Variants in DNAJC24 observed in about 807,000 individuals in gnomAD.
DNAJC24 encodes DnaJ heat shock protein family (Hsp40) member C24.
A neutral mutation model predicts 18.0 loss-of-function variants in DNAJC24; 17 were observed. That is an observed-to-expected ratio of 0.94 (90% CI 0.65 to 1.42). DNAJC24 has a LOEUF of 1.42. Ranked by LOEUF, DNAJC24 falls within the 40% of genes most tolerant of loss-of-function variation. The pLI is 0.00. For synonymous variants in DNAJC24, 55 were observed against 57.7 expected, an observed-to-expected ratio of 0.95 and a Z score of 0.21; for missense variants, 158 against 175.6, an observed-to-expected ratio of 0.90 and a Z score of 0.57.
chr11:31,384,994 A>G (rs1952413747), intron 2 of DNAJC24: 1 of 152,198 alleles, frequency 6.6e-6, no homozygotes, highest in Non-Finnish European at 1.5e-5. Context: ...TAAGGGAAAA[A>G]AAGAGTTTTT....
intron 2 of DNAJC24, among the ~76,000 whole-genome samples, chr11:31,405,486 TTTTA>T (rs1952648586): frequency 6.6e-6 from 1 of 152,196 alleles, no homozygotes; most frequent in South Asian, 2.1e-4. Context: ...TAGCTAATCT[TTTTA>T]TTTATTTGAG....
At position 31,370,778 on chromosome 11, in the gene DNAJC24, G is replaced by A; in HGVS notation, c.30G>A (p.Lys10=). 1.2e-6 allele frequency: 2 copies of A among 1,610,656 alleles called. No individual in the cohort carries two copies. The highest frequency in any genetic ancestry group is 1.7e-4 in the Middle Eastern group (1 of 6,050). The part of the protein sequence containing the change: MMAVEQMPK[K]DWYSILGADP... ...TGGCGGTTGAGCAGATGCCAAAAAA[G>A]GATTGGTACAGCATCCTGGGAGCAG... is the stretch of plus-strand genomic sequence containing the variant. The change falls in exon 2 of 5, where the codon AAG becomes AAA. Residue 10 remains lysine (K), a synonymous_variant. Coordinates refer to ENST00000465995, the MANE Select transcript of DNAJC24 (RefSeq NM_181706.5).
chr11:31,390,429 C>T (rs762438730), intron 2 of DNAJC24, among the ~76,000 whole-genome samples: 9 of 149,262 alleles, frequency 6.0e-5, no homozygotes, highest in South Asian at 2.1e-4. Flanking sequence ...AATTAAAGGC[C>T]GGGTGCGGTG....
intron 3 of DNAJC24, among the ~76,000 whole-genome samples, chr11:31,419,093 C>T (rs1952779381): frequency 6.6e-6 from 1 of 151,974 alleles, no homozygotes; most frequent in African/African-American, 2.4e-5. Context: ...GGAATAATAA[C>T]TTAAGGCCAG....
intron 2 of DNAJC24, among the ~76,000 whole-genome samples, chr11:31,386,662 A>C (rs1463594513): frequency 6.6e-6 from 1 of 151,864 alleles, no homozygotes; most frequent in African/African-American, 2.4e-5. Context: ...GATGTGACCC[A>C]CCACATTTTC....
In DNAJC24 at chr11:31,380,194, G is replaced by A. The variant is rs141832873; in HGVS notation, c.111+9335G>A. ...TAGTCTAGCTTAAAAGAATTATAGC[G>A]TTTCAGAAACTGAAAGAATCTAGCT... is the stretch of plus-strand genomic sequence containing the variant. On this transcript the variant is annotated intron_variant, in intron 2 of 4. Transcript: ENST00000465995. 3.9e-5 allele frequency among the ~76,000 whole-genome samples: 6 copies of A among 152,264 alleles called. No individual in the cohort carries two copies. The East Asian group carries it at 5.8e-4, about 15-fold the overall frequency.
chr11:31,403,421 A>G (rs1229835414), intron 2 of DNAJC24, among the ~76,000 whole-genome samples: 1 of 152,236 alleles, frequency 6.6e-6, no homozygotes, highest in African/African-American at 2.4e-5. Flanking sequence ...GCAAAGACAT[A>G]CATCAACACA....
intron 2 of DNAJC24, among the ~76,000 whole-genome samples, chr11:31,397,112 C>T (rs1187506917): frequency 6.6e-6 from 1 of 152,182 alleles, no homozygotes; most frequent in African/African-American, 2.4e-5. Context: ...TGCATCTATC[C>T]TTCCCAATGC....
chr11:31,399,175 G>C (rs922936883), intron 2 of DNAJC24, among the ~76,000 whole-genome samples: 1 of 152,014 alleles, frequency 6.6e-6, no homozygotes, highest in Non-Finnish European at 1.5e-5. Context: ...TACAGGACAG[G>C]GGTTATGCTA....
Position 31,431,386 on chromosome 11 carries a change from A to T in DNAJC24, c.*985A>T, listed in dbSNP as rs1447216621. The T allele has an allele frequency of 6.6e-6, 1 of 150,576 alleles. No homozygotes were observed. The highest frequency in any genetic ancestry group is 1.5e-5 in the Non-Finnish European group (1 of 67,522). The allele number at this position is 150,576 out of a possible 1,614,324, so 9.3% of individuals were successfully genotyped here. ...GGCTGGTCTTGAACTCCTGGCCTCA[A>T]ATGATCCGCCCACCTCAACCTCCCA... On this transcript the variant is annotated 3_prime_UTR_variant, in exon 5 of 5. Transcript: ENST00000465995.
At chr11:31,389,431 G>T (rs1249248042) in intron 2 of DNAJC24, among the ~76,000 whole-genome samples, 2 of 152,164 alleles carry the variant, frequency 1.3e-5, no homozygotes, top group African/African-American at 2.4e-5. Context: ...TAGTGATAAA[G>T]GAGTTAATGC....
intron 2 of DNAJC24, among the ~76,000 whole-genome samples, chr11:31,408,507 A>G (rs984652788): frequency 5.9e-5 from 9 of 152,210 alleles, no homozygotes; most frequent in Non-Finnish European, 7.3e-5. Context: ...AAAATAAAAT[A>G]TTTCATACTG....
Position 31,430,363 on chromosome 11 carries a change from A to C in DNAJC24, c.412A>C (p.Thr138Pro), listed in dbSNP as rs748171465. 3 of 1,608,764 alleles carry C rather than the reference A, an allele frequency of 1.9e-6. No individual in the cohort carries two copies. Among genetic ancestry groups the C allele is most frequent in the Non-Finnish European group, 2.6e-6 (3 of 1,176,378 alleles). ...AEEVSLISCD[T>P]CSLIIELLHY... ...AGAAGTTAGCCTGATTTCTTGTGAT[A>C]CATGTTCACTAATTATAGAACTCCT... The change falls in exon 5 of 5, where the codon ACA becomes CCA. Residue 138 changes from threonine to proline, a missense_variant. Coordinates refer to ENST00000465995, the MANE Select transcript of DNAJC24 (RefSeq NM_181706.5).
At position 31,377,764 on chromosome 11, in the gene DNAJC24, GATCCTGATAAT is replaced by G. The variant is rs1240388243; in HGVS notation, c.111+6908_111+6918del. 2.0e-5 allele frequency among the ~76,000 whole-genome samples: 3 copies of G among 152,052 alleles called. No homozygotes were observed. The East Asian group carries it at 5.8e-4, about 29-fold the overall frequency. On this transcript the variant is annotated intron_variant, in intron 2 of 4. Transcript: ENST00000465995. ...TGAGAACTGGGGGTCTTTTCCCACT[GATCCTGATAAT>G]ATTACAGGATACTTCTCAGTTGGAA... is the stretch of plus-strand genomic sequence containing the variant.
At chr11:31,426,581 T>C (rs1266176524) in intron 4 of DNAJC24, 4 of 385,748 alleles carry the variant, frequency 1.0e-5, no homozygotes, top group Non-Finnish European at 1.4e-5. Flanking sequence ...TATATTCTAA[T>C]TAGATGTTAG....
chr11:31,431,797 G>A lies in DNAJC24; in HGVS notation c.*1396G>A, dbSNP rs929051630. 1.3e-5 allele frequency: 2 copies of A among 151,628 alleles called. No homozygotes were observed. The highest frequency in any genetic ancestry group is 2.9e-5 in the Non-Finnish European group (2 of 67,956). The allele number at this position is 151,628 out of a possible 1,614,324, so 9.4% of individuals were successfully genotyped here. A position where few individuals can be genotyped will look rare whatever the true frequency, so the allele number is the denominator to read the frequency against. On this transcript the variant is annotated 3_prime_UTR_variant, in exon 5 of 5. Coordinates refer to ENST00000465995, the MANE Select transcript of DNAJC24 (RefSeq NM_181706.5). ...ACTGCACTGCAGCCTGGGCTACAGAGAGCAAGACTCTGTCTCAAAAAAAAT... is the reference window on the plus strand; with the variant it reads ...ACTGCACTGCAGCCTGGGCTACAGAAAGCAAGACTCTGTCTCAAAAAAAAT...
chr11:31,403,604 A>G (rs1952623867), intron 2 of DNAJC24, among the ~76,000 whole-genome samples: 1 of 152,186 alleles, frequency 6.6e-6, no homozygotes, highest in Admixed American at 6.5e-5. Flanking sequence ...CATGGGCATG[A>G]CTTCCTCCAG....
chr11:31,417,300 T>G (rs1194288587), intron 3 of DNAJC24: 1 of 152,130 alleles, frequency 6.6e-6, no homozygotes, highest in Non-Finnish European at 1.5e-5. Context: ...CCAGAGCTAT[T>G]TTTCAAAACT....
At chr11:31,406,098 C>T (rs1268978061) in intron 2 of DNAJC24, among the ~76,000 whole-genome samples, 1 of 152,102 alleles carries the variant, frequency 6.6e-6, no homozygotes, top group Non-Finnish European at 1.5e-5. Context: ...AGCTACAAAT[C>T]CTTTTTTTTT....
Sources: gnomAD v4.1 joint callset for allele counts (sites outside exome capture counted in the v4.1 genomes callset) on GRCh38, gnomAD v4.1.1 for gene constraint, MANE v1.5 for transcripts, NCBI Gene and HGNC (gene_info 2026-07-23, HGNC 2026-07-21) for gene names.